ZNF423: variants seen among roughly 807,000 people sequenced by gnomAD.
ZNF423 encodes Ebf-associated zinc finger protein.
A neutral mutation model predicts 95.8 loss-of-function variants in ZNF423; 12 were observed. That is an observed-to-expected ratio of 0.13 (90% CI 0.08 to 0.20). The LOEUF is 0.20. Among genes scored for constraint, ZNF423 ranks in the 10% least tolerant of loss-of-function variants. The pLI is 1.00. For synonymous variants in ZNF423, 749 were observed against 711.9 expected (o/e 1.05, Z -0.83); for missense variants, 1,316 against 1,737.1 (o/e 0.76, Z 4.31).
At chr16:49,507,545 T>G (rs1967694829) in intron 7 of ZNF423, among the ~76,000 whole-genome samples, 1 of 152,208 alleles carries the variant, frequency 6.6e-6, no homozygotes, top group Non-Finnish European at 1.5e-5. Flanking sequence ...TGGCCTCAGC[T>G]GGGAAACTGG....
chr16:49,766,365 T>C (rs1030220822), intron 2 of ZNF423, among the ~76,000 whole-genome samples: 6 of 152,222 alleles, frequency 3.9e-5, no homozygotes, highest in African/African-American at 1.4e-4. Context: ...CTCCTCTCCC[T>C]GCTCACACAG....
At chr16:49,560,468 T>C (rs1447146855) in intron 5 of ZNF423, among the ~76,000 whole-genome samples, 2 of 152,222 alleles carry the variant, frequency 1.3e-5, no homozygotes, top group African/African-American at 4.8e-5. Context: ...TGCCACAGTA[T>C]GAAGTCCAGT....
At position 49,618,970 on chromosome 16, in the gene ZNF423, C is replaced by T. The variant is rs531855666; in HGVS notation, c.3601+7200G>A. ...CATCCCCTTTGCTGTGATCCACCCA[C>T]CTCCTGCCTCAAAGTTTGTTCTGTT... is the stretch of plus-strand genomic sequence containing the variant. On this transcript the variant is annotated intron_variant, in intron 5 of 7. Coordinates refer to ENST00000563137, the MANE Select transcript of ZNF423 (RefSeq NM_001379286.1). 1.6e-4 allele frequency among the ~76,000 whole-genome samples: 25 copies of T among 152,316 alleles called. 1 individual carries two copies. The South Asian group carries it at 3.7e-3, about 23-fold the overall frequency.
intron 2 of ZNF423, among the ~76,000 whole-genome samples, chr16:49,738,481 A>T (rs2033341570): frequency 6.6e-6 from 1 of 152,068 alleles, no homozygotes. Flanking sequence ...CCTGAATCTC[A>T]TGAACGCCAT....
chr16:49,591,122 C>T (rs1041457038), intron 5 of ZNF423, among the ~76,000 whole-genome samples: 1 of 152,132 alleles, frequency 6.6e-6, no homozygotes, highest in African/African-American at 2.4e-5. Flanking sequence ...CACTGGAAAC[C>T]AAACCAAGTG....
chr16:49,663,021 G>A (rs2030325237), intron 3 of ZNF423, among the ~76,000 whole-genome samples: 1 of 152,068 alleles, frequency 6.6e-6, no homozygotes, highest in African/African-American at 2.4e-5. Context: ...CTTGGTTTCG[G>A]CAACAGCTAA....
At chr16:49,530,375 T>C (rs1968795361) in intron 5 of ZNF423, among the ~76,000 whole-genome samples, 1 of 151,978 alleles carries the variant, frequency 6.6e-6, no homozygotes, top group South Asian at 2.1e-4. Context: ...CACCTTTAAT[T>C]CCTGGATAGC....
At chr16:49,701,699 C>G (rs2032188940) in intron 3 of ZNF423, among the ~76,000 whole-genome samples, 1 of 152,116 alleles carries the variant, frequency 6.6e-6, no homozygotes, top group Non-Finnish European at 1.5e-5. Flanking sequence ...TACTCTGGCC[C>G]CTAAAATATC....
At chr16:49,647,017 G>A (rs75828879) in intron 3 of ZNF423, among the ~76,000 whole-genome samples, 4,185 of 152,308 alleles carry the variant, frequency 0.027, 92 homozygotes, top group Non-Finnish European at 0.045. Context: ...ACTTCTGAGC[G>A]CACAGACATT....
intron 7 of ZNF423, among the ~76,000 whole-genome samples, chr16:49,495,112 G>A (rs4785312): frequency 0.12 from 18,806 of 152,190 alleles, 1,434 homozygotes; most frequent in African/African-American, 0.21. Context: ...GCATCCACTC[G>A]GCCTCGCTGC....
intron 1 of ZNF423, among the ~76,000 whole-genome samples, chr16:49,806,561 G>A (rs1056427829): frequency 9.2e-5 from 14 of 152,130 alleles, no homozygotes; most frequent in African/African-American, 3.4e-4. Flanking sequence ...TTATACATGT[G>A]GTTTATTTTA....
At chr16:49,811,690 C>T (rs2034754834) in intron 1 of ZNF423, among the ~76,000 whole-genome samples, 1 of 152,120 alleles carries the variant, frequency 6.6e-6, no homozygotes, top group South Asian at 2.1e-4. Context: ...CCCCGCAGGA[C>T]TGGAATGGGT....
intron 3 of ZNF423, among the ~76,000 whole-genome samples, chr16:49,717,934 T>C (rs912340537): frequency 6.6e-5 from 10 of 152,312 alleles, no homozygotes; most frequent in African/African-American, 2.4e-4. Context: ...TGGCCAGTAC[T>C]GAACTACTGG....
intron 3 of ZNF423, among the ~76,000 whole-genome samples, chr16:49,684,815 GC>G (rs753734332): frequency 6.6e-6 from 1 of 152,212 alleles, no homozygotes; most frequent in Non-Finnish European, 1.5e-5. Flanking sequence ...AGAAGGAGCT[GC>G]CAAAGTTGGT....
intron 3 of ZNF423, among the ~76,000 whole-genome samples, chr16:49,700,405 C>T (rs1319829519): frequency 6.6e-6 from 1 of 152,144 alleles, no homozygotes; most frequent in East Asian, 1.9e-4. Flanking sequence ...CAGAAAAGGC[C>T]CCTCCTGAGG....
intron 4 of ZNF423, among the ~76,000 whole-genome samples, chr16:49,634,928 A>G (rs1293289444): frequency 1.3e-5 from 2 of 152,178 alleles, no homozygotes; most frequent in Non-Finnish European, 2.9e-5. Flanking sequence ...GTCAGGGTCC[A>G]TTTCTGGTTC....
chr16:49,656,788 T>C (rs2029894545), intron 3 of ZNF423, among the ~76,000 whole-genome samples: 1 of 152,224 alleles, frequency 6.6e-6, no homozygotes, highest in African/African-American at 2.4e-5. Context: ...ATTTTATTTT[T>C]TGTCTCCAAG....
chr16:49,511,466 C>T (rs1967892613), intron 7 of ZNF423, among the ~76,000 whole-genome samples: 1 of 152,228 alleles, frequency 6.6e-6, no homozygotes, highest in Admixed American at 6.5e-5. Flanking sequence ...GCAGCTATGT[C>T]CACATGGGGA....
chr16:49,660,949 G>A (rs896110570), intron 3 of ZNF423, among the ~76,000 whole-genome samples: 1 of 152,120 alleles, frequency 6.6e-6, no homozygotes, highest in Non-Finnish European at 1.5e-5. Flanking sequence ...GGCTGGGCAT[G>A]GTGACTCACA....
Sources: gnomAD v4.1 joint callset for allele counts (sites outside exome capture counted in the v4.1 genomes callset) on GRCh38, gnomAD v4.1.1 for gene constraint, MANE v1.5 for transcripts, NCBI Gene and HGNC (gene_info 2026-07-23, HGNC 2026-07-21) for gene names.